Variants in HYAL1 observed in about 807,000 individuals in gnomAD.
HYAL1 encodes hyaluronidase 1.
A neutral mutation model predicts 28.8 loss-of-function variants in HYAL1; 21 were observed. That is an observed-to-expected ratio of 0.73 (90% confidence interval 0.52 to 1.05). The LOEUF (loss-of-function observed/expected upper bound fraction) is 1.05. Ranked by LOEUF, HYAL1 falls within the 50% of genes least tolerant of loss-of-function variation. HYAL1 has a pLI of 0.00. For synonymous variants in HYAL1, 200 were observed against 230.1 expected, an observed-to-expected ratio of 0.87 and a Z score of 1.18; for missense variants, 491 against 579.2, an observed-to-expected ratio of 0.85 and a Z score of 1.56.
chr3:50,304,653 TTG>T (rs140399924), upstream of HYAL1, among the ~76,000 whole-genome samples: 1,471 of 152,208 alleles, frequency 9.7e-3, 21 homozygotes, highest in African/African-American at 0.034. Flanking sequence ...CTTGGGTCTA[TTG>T]TGCTTAGTGG....
chr3:50,311,471 G>A (rs1397455675), intron 1 of HYAL1, among the ~76,000 whole-genome samples: 41 of 130,548 alleles, frequency 3.1e-4, no homozygotes, highest in African/African-American at 1.1e-3. Flanking sequence ...CCTCCCGGAC[G>A]GGGCGGCTGG....
At chr3:50,300,873 C>A (rs1487790455) in intron 3 of HYAL1, 73 bp from the exon 4 acceptor site, 83 of 1,552,410 alleles carry the variant, frequency 5.3e-5, no homozygotes, top group Non-Finnish European at 7.2e-5. Flanking sequence ...CTGAGGCACT[C>A]ACCTGCTGGT....
At chr3:50,300,870 A>G (rs1193624734) in intron 3 of HYAL1, 70 bp from the exon 4 acceptor site, 1 of 1,556,330 alleles carries the variant, frequency 6.4e-7, no homozygotes, top group Non-Finnish European at 8.8e-7. Context: ...GCACTGAGGC[A>G]CTCACCTGCT....
chr3:50,300,939 T>TGGGGGGGGGGGGG, intron 3 of HYAL1, 49 bp downstream of exon 3: 9 of 959,352 alleles, frequency 9.4e-6, no homozygotes, highest in Non-Finnish European at 1.5e-5. Flanking sequence ...GTCAGCTTAA[T>TGGGGGGGGGGGGG]GGCCCCACCC....
rs11914693 is a variant in HYAL1, at chr3:50,301,039, C to G, written c.939G>C (p.Gln313His). 1 of 1,613,242 alleles carries G rather than the reference C, an allele frequency of 6.2e-7. No individual in the cohort carries two copies. The highest frequency in any genetic ancestry group is 8.5e-7 in the Non-Finnish European group (1 of 1,179,784). Residue 313 changes from glutamine to histidine, a missense_variant, in exon 3 of 4, where the codon CAG (glutamine) becomes CAC (histidine). Physicochemically the swap from Gln to His is conservative, Grantham distance 24 (BLOSUM62 0). Transcript: ENST00000395144. ...CCCAGAGCACCACTCCAGCTGCCCC[C>G]TGGGCCGCACTCTCCCCCAGGCTGT... Reference protein sequence around the residue: ...LEHSLGESAAQGAAGVVLWVS... With the variant: ...LEHSLGESAAHGAAGVVLWVS...
At position 50,301,111 on chromosome 3, in the gene HYAL1, C is replaced by T; in HGVS notation, c.901-34G>A. The T allele has an allele frequency of 4.3e-6, 6 of 1,394,368 alleles. No homozygotes were observed. The African/African-American group carries it at 5.7e-5, about 13-fold the overall frequency. 86.4% of individuals were successfully genotyped at this position (1,394,368 alleles called of 1,614,324 possible). A position where few individuals can be genotyped will look rare whatever the true frequency, so the allele number is the denominator to read the frequency against. The stretch of plus-strand genomic sequence containing the variant: ...GAGACAGCACAGCTCTGTGGGGCCT[C>T]CTTCCCACCATGTGGCAGACTGCTG... On this transcript the variant is annotated intron_variant, in intron 2 of 3. Coordinates refer to ENST00000395144, the MANE Select transcript of HYAL1 (RefSeq NM_033159.4).
In HYAL1 at chr3:50,302,108, C is replaced by A. The variant is rs1559818762; in HGVS notation, c.849G>T (p.Val283=). The A allele has an allele frequency of 6.2e-7, 1 of 1,614,108 alleles. No individual in the cohort carries two copies. Among genetic ancestry groups the A allele is most frequent in the South Asian group, 1.1e-5 (1 of 91,096 alleles). Residue 283 remains valine (V), a synonymous_variant, in exon 2 of 4, where the codon GTG becomes GTT. Transcript: ENST00000395144. The surrounding 1 kb of genome is among the most constrained non-coding windows in gnomAD (Gnocchi z 5.0). The part of the protein sequence containing the change: ...AVAAGDPNLP[V]LPYVQIFYDT... Reference sequence around the variant, plus strand: ...CATAGAAGATCTGGACATAGGGCAGCACCGGCAGATTGGGGTCACCAGCAG... The same window carrying A: ...CATAGAAGATCTGGACATAGGGCAGAACCGGCAGATTGGGGTCACCAGCAG...
intron 1 of HYAL1, chr3:50,303,228 T>G: frequency 2.6e-6 from 1 of 383,064 alleles, no homozygotes; most frequent in Non-Finnish European, 4.7e-6. Flanking sequence ...TAGCCTAAGC[T>G]CGCCCACCCC....
At chr3:50,311,767 G>T (rs1467706144) in intron 1 of HYAL1, among the ~76,000 whole-genome samples, 1 of 141,450 alleles carries the variant, frequency 7.1e-6, no homozygotes, top group African/African-American at 2.7e-5. Context: ...TGGGCAGAGG[G>T]GCTCCTCACT....
Position 50,302,789 on chromosome 3 carries a change from G to A in HYAL1, c.168C>T (p.Phe56=), listed in dbSNP as rs369935445. The stretch of plus-strand genomic sequence containing the variant: ...TCTGCCCTGGGTTGGCTACCACATC[G>A]AAGACACTGACATCCACGTCCACAC... The part of the protein sequence containing the change: ...RHGVDVDVSV[F]DVVANPGQTF... Residue 56 remains phenylalanine (F), a synonymous_variant, in exon 2 of 4, where the codon TTC becomes TTT. Coordinates refer to ENST00000395144, the MANE Select transcript of HYAL1 (RefSeq NM_033159.4). This position sits in a 1 kb window ranked among gnomAD's most constrained non-coding sequence, Gnocchi z 5.0. 52 of 1,614,064 alleles carry A rather than the reference G, an allele frequency of 3.2e-5. No homozygotes were observed. The African/African-American group carries it at 4.5e-4, about 14-fold the overall frequency.
At chr3:50,311,907 C>CCT in intron 1 of HYAL1, among the ~76,000 whole-genome samples, 1 of 137,058 alleles carries the variant, frequency 7.3e-6, no homozygotes, top group East Asian at 2.2e-4. Context: ...GATCCCCCCT[C>CCT]CCCTCACGGA....
chr3:50,311,260 CG>C (rs1559826563), intron 1 of HYAL1, among the ~76,000 whole-genome samples: 2 of 115,628 alleles, frequency 1.7e-5, no homozygotes, highest in Non-Finnish European at 1.9e-5. Context: ...CCGGCCGGGG[CG>C]GGGGGCTGAC....
Position 50,300,390 on chromosome 3 carries a change from ATGACTTGTATGAC to A in HYAL1, c.*80_*92del. The stretch of plus-strand genomic sequence containing the variant: ...GCTGAGTGTACTCTTTACTGTGACC[ATGACTTGTATGAC>A]TGTGCATGTATTTGAGGAAGCCCTG... On this transcript the variant is annotated 3_prime_UTR_variant, in exon 4 of 4. Transcript: ENST00000395144. The A allele has an allele frequency of 7.9e-7, 1 of 1,269,010 alleles. No individual in the cohort carries two copies. Among genetic ancestry groups the A allele is most frequent in the East Asian group, 2.3e-5 (1 of 43,294 alleles). 78.6% of individuals were successfully genotyped at this position (1,269,010 alleles called of 1,614,324 possible). A position where few individuals can be genotyped will look rare whatever the true frequency, so the allele number is the denominator to read the frequency against.
At position 50,302,502 on chromosome 3, in the gene HYAL1, C is replaced by T. The variant is rs781929111; in HGVS notation, c.455G>A (p.Arg152Gln). 8.1e-6 allele frequency: 13 copies of T among 1,614,072 alleles called. No homozygotes were observed. Among genetic ancestry groups the T allele is most frequent in the Middle Eastern group, 1.6e-4 (1 of 6,084 alleles). ...DTKDIYRQRS[R>Q]ALVQAQHPDW... Reference sequence around the variant, plus strand: ...AGGGTGCTGTGCCTGTACCAGTGCCCGTGAGCGCTGCCGGTAAATGTCCTT... The same window carrying T: ...AGGGTGCTGTGCCTGTACCAGTGCCTGTGAGCGCTGCCGGTAAATGTCCTT... Residue 152 changes from arginine to glutamine, a missense_variant, in exon 2 of 4, where the codon CGG becomes CAG. Arg to Gln is a conservative substitution (Grantham distance 43, BLOSUM62 1). Coordinates refer to ENST00000395144, the MANE Select transcript of HYAL1 (RefSeq NM_033159.4). The surrounding 1 kb of genome is among the most constrained non-coding windows in gnomAD (Gnocchi z 5.0).
chr3:50,300,567 A>T lies in HYAL1; in HGVS notation c.1224T>A (p.Asp408Glu), dbSNP rs782764024. 1.2e-6 allele frequency: 2 copies of T among 1,614,220 alleles called. No homozygotes were observed. The highest frequency in any genetic ancestry group is 1.7e-6 in the Non-Finnish European group (2 of 1,180,042). Residue 408 changes from aspartate to glutamate, a missense_variant, in exon 4 of 4, where the codon GAT becomes GAA. Physicochemically the swap from Asp to Glu is conservative, Grantham distance 45. Coordinates refer to ENST00000395144, the MANE Select transcript of HYAL1 (RefSeq NM_033159.4). The stretch of plus-strand genomic sequence containing the variant: ...TGAACTCCACAGCCATCTGTGCCTG[A>T]TCTTCAAGTGAGAGGGCACCCCGCA... ...LSLRGALSLE[D>E]QAQMAVEFKC...
At position 50,299,985 on chromosome 3, in the gene HYAL1, A is replaced by G; in HGVS notation, c.*498T>C. On this transcript the variant is annotated 3_prime_UTR_variant, in exon 4 of 4. Transcript: ENST00000395144. ...TTACCACAAACTCAGTAGGAGTGCAAGGGCTGTACCCCCGGAGCTAGACAG... is the reference window on the plus strand; with the variant it reads ...TTACCACAAACTCAGTAGGAGTGCAGGGGCTGTACCCCCGGAGCTAGACAG... 1 of 221,740 alleles carries G rather than the reference A, an allele frequency of 4.5e-6. No homozygotes were observed. The highest frequency in any genetic ancestry group is 6.1e-5 in the South Asian group (1 of 16,352). The allele number at this position is 221,740 out of a possible 1,614,324, so 13.7% of individuals were successfully genotyped here. A position where few individuals can be genotyped will look rare whatever the true frequency, so the allele number is the denominator to read the frequency against.
chr3:50,312,269 A>C (rs1300267033), exon 1 of HYAL1: 1 of 186,442 alleles, frequency 5.4e-6, no homozygotes, highest in Non-Finnish European at 1.1e-5. Context: ...CTCACTTCTC[A>C]GACAGGGCGG....
intron 1 of HYAL1, among the ~76,000 whole-genome samples, chr3:50,311,802 G>A (rs1354277311): frequency 5.7e-5 from 8 of 141,586 alleles, no homozygotes; most frequent in African/African-American, 1.9e-4. Context: ...GCCGGGCAGA[G>A]GCGCCCCTCA....
At chr3:50,301,677 G>A (rs1286131384) in intron 2 of HYAL1, among the ~76,000 whole-genome samples, 5 of 151,606 alleles carry the variant, frequency 3.3e-5, no homozygotes, top group Admixed American at 2.6e-4. Flanking sequence ...TGGGGGCCGG[G>A]CGCGGTGGCT....
Sources: allele counts gnomAD v4.1 joint callset (sites outside exome capture counted in the v4.1 genomes callset), GRCh38; gene constraint gnomAD v4.1.1; non-coding constraint Gnocchi (gnomAD v3.1); transcripts MANE v1.5; gene names NCBI Gene and HGNC (gene_info 2026-07-23, HGNC 2026-07-21).